TMTC2: variants seen among roughly 807,000 people sequenced by gnomAD.
TMTC2 encodes the protein protein O-mannosyl-transferase TMTC2.
TMTC2 carries 43 observed loss-of-function variants against 82.4 expected under a neutral mutation model. The observed-to-expected ratio is 0.52, with a 90% confidence interval of 0.41 to 0.67. The LOEUF is 0.67. Ranked by LOEUF, TMTC2 falls within the 30% of genes least tolerant of loss-of-function variation. The pLI is 0.00. For synonymous variants in TMTC2, 408 were observed against 381.9 expected, an observed-to-expected ratio of 1.07 and a Z score of -0.80; for missense variants, 919 against 1,012.4, an observed-to-expected ratio of 0.91 and a Z score of 1.25.
chr12:83,104,734 G>A (rs1884339711), intron 11 of TMTC2, among the ~76,000 whole-genome samples: 1 of 152,176 alleles, frequency 6.6e-6, no homozygotes, highest in African/African-American at 2.4e-5. Flanking sequence ...TTGGATATTA[G>A]CATTTGGCTC....
intron 8 of TMTC2, among the ~76,000 whole-genome samples, chr12:82,997,352 A>ATATATATATATGTGTGTG (rs1481161689): frequency 4.7e-5 from 1 of 21,412 alleles, no homozygotes; most frequent in Non-Finnish European, 1.0e-4. Flanking sequence ...GTGTGTGTAT[A>ATATATATATATGTGTGTG]TATATATATA....
chr12:82,980,470 A>G (rs1263413229), intron 7 of TMTC2, among the ~76,000 whole-genome samples: 1 of 151,830 alleles, frequency 6.6e-6, no homozygotes, highest in African/African-American at 2.4e-5. Context: ...AGATTAAGAT[A>G]AAAATGCCTG....
intron 4 of TMTC2, among the ~76,000 whole-genome samples, chr12:82,957,073 A>G (rs999950653): frequency 6.6e-6 from 1 of 152,136 alleles, no homozygotes; most frequent in East Asian, 1.9e-4. Flanking sequence ...AAACCACCCA[A>G]TATACATTCT....
intron 4 of TMTC2, among the ~76,000 whole-genome samples, chr12:82,954,320 G>A (rs1877503666): frequency 6.6e-6 from 1 of 151,946 alleles, no homozygotes; most frequent in Non-Finnish European, 1.5e-5. Flanking sequence ...GTTCTCTTGG[G>A]TAGGTGTTCC....
In TMTC2 at chr12:83,132,974, A is replaced by G. The variant is rs1484485504; in HGVS notation, c.*585A>G. On this transcript the variant is annotated 3_prime_UTR_variant, in exon 12 of 12. Coordinates refer to ENST00000321196, the MANE Select transcript of TMTC2 (RefSeq NM_152588.3). ...CTGCTATGTTTCTTGACCAGTGCACATAATGTTTTATGATTTGGATGTCAG... is the reference window on the plus strand; with the variant it reads ...CTGCTATGTTTCTTGACCAGTGCACGTAATGTTTTATGATTTGGATGTCAG... 3.3e-5 allele frequency: 5 copies of G among 152,256 alleles called. No individual in the cohort carries two copies. Among genetic ancestry groups the G allele is most frequent in the Admixed American group, 1.3e-4 (2 of 15,272 alleles). The allele number at this position is 152,256 out of a possible 1,614,324, so 9.4% of individuals were successfully genotyped here.
rs78491129 is a variant in TMTC2 at position 83,010,713 on chromosome 12, G to T, written c.2071-20085G>T. On this transcript the variant is annotated intron_variant, in intron 8 of 11. Transcript: ENST00000321196. ...CAAATCTATGTCTGTGTCTAAATCT[G>T]TATCTTAATATATCAGGAACCACCG... Among the ~76,000 whole-genome samples, 269 of 152,236 alleles carry T rather than the reference G, an allele frequency of 1.8e-3. 5 individuals are homozygous for T. In the East Asian group the frequency reaches 0.041, roughly 23 times the overall value.
At chr12:82,848,386 T>A (rs918552722) in intron 1 of TMTC2, among the ~76,000 whole-genome samples, 27 of 152,270 alleles carry the variant, frequency 1.8e-4, no homozygotes, top group African/African-American at 6.5e-4. Context: ...TTTGACCCTC[T>A]AAGACATTGG....
rs185837381 is a variant in TMTC2 at position 83,111,929 on chromosome 12, C to T, written c.2332-20281C>T. ...GCTCCTTCAAGCCTGGGCAACATGG[C>T]AAAACCTCGTCTCTACAAAAAAAAA... On this transcript the variant is annotated intron_variant, in intron 11 of 11. Coordinates refer to ENST00000321196, the MANE Select transcript of TMTC2 (RefSeq NM_152588.3). Among the ~76,000 whole-genome samples, 777 of 149,492 alleles carry T rather than the reference C, an allele frequency of 5.2e-3. 8 individuals are homozygous for T. Among genetic ancestry groups the T allele is most frequent in the African/African-American group, 0.018 (738 of 40,494 alleles).
chr12:82,967,038 A>G (rs757654429), intron 7 of TMTC2, 41 bp downstream of exon 7: 1 of 1,484,322 alleles, frequency 6.7e-7, no homozygotes, highest in Admixed American at 1.8e-5. Context: ...TATTTCAGGG[A>G]CCTGTGGAGA....
chr12:82,886,799 CTT>C (rs1452793087), intron 2 of TMTC2, among the ~76,000 whole-genome samples: 1 of 152,118 alleles, frequency 6.6e-6, no homozygotes, highest in Non-Finnish European at 1.5e-5. Flanking sequence ...TATGATGAAA[CTT>C]TGATTAATCA....
At chr12:82,705,819 C>T (rs116019758) in intron 1 of TMTC2, among the ~76,000 whole-genome samples, 12 of 152,076 alleles carry the variant, frequency 7.9e-5, no homozygotes, top group East Asian at 1.9e-4. Context: ...AGAGATTGTG[C>T]GACATAATCT....
intron 1 of TMTC2, among the ~76,000 whole-genome samples, chr12:82,853,108 T>C (rs1250515361): frequency 6.6e-6 from 1 of 151,534 alleles, no homozygotes; most frequent in Non-Finnish European, 1.5e-5. Flanking sequence ...AAGTTTTTTT[T>C]CTTTTTTTTT....
At chr12:83,026,705 A>AGTGTGTGTGTGT (rs67900968) in intron 8 of TMTC2, among the ~76,000 whole-genome samples, 2 of 142,914 alleles carry the variant, frequency 1.4e-5, no homozygotes, top group African/African-American at 2.6e-5. Flanking sequence ...TGATTGAAGG[A>AGTGTGTGTGTGT]GTGTGTGTGT....
At chr12:82,969,781 C>T (rs994071096) in intron 7 of TMTC2, among the ~76,000 whole-genome samples, 1 of 152,096 alleles carries the variant, frequency 6.6e-6, no homozygotes, top group Non-Finnish European at 1.5e-5. Flanking sequence ...AGCCTATTCT[C>T]ATTTATCCTC....
At chr12:83,068,292 T>G (rs1882990112) in intron 11 of TMTC2, among the ~76,000 whole-genome samples, 1 of 152,092 alleles carries the variant, frequency 6.6e-6, no homozygotes, top group South Asian at 2.1e-4. Flanking sequence ...GGATATAAAA[T>G]TTCCCACCTA....
In TMTC2 at chr12:82,997,346, GTGTA is replaced by G. The variant is rs1342663853; in HGVS notation, c.2070+11302_2070+11305del. Among the ~76,000 whole-genome samples, 37 of 29,182 alleles carry G rather than the reference GTGTA, an allele frequency of 1.3e-3. 1 individual carries two copies. The highest frequency in any genetic ancestry group is 0.022 in the Middle Eastern group (1 of 46). 19.1% of individuals were successfully genotyped at this position (29,182 alleles called of 152,430 possible). A position where few individuals can be genotyped will look rare whatever the true frequency, so the allele number is the denominator to read the frequency against. ...TGTCTGTGTGTGTGTGTGTGTGTGT[GTGTA>G]TATATATATATATATGTGTATATAT... On this transcript the variant is annotated intron_variant, in intron 8 of 11. Coordinates refer to ENST00000321196, the MANE Select transcript of TMTC2 (RefSeq NM_152588.3).
At chr12:82,715,743 G>C (rs1873865632) in intron 1 of TMTC2, among the ~76,000 whole-genome samples, 1 of 152,134 alleles carries the variant, frequency 6.6e-6, no homozygotes, top group Admixed American at 6.5e-5. Context: ...TGGTAGGGAT[G>C]GGGTAGGGAT....
intron 1 of TMTC2, among the ~76,000 whole-genome samples, chr12:82,794,026 A>G (rs1010189147): frequency 1.3e-5 from 2 of 152,118 alleles, no homozygotes; most frequent in Admixed American, 6.5e-5. Context: ...TTTCTGATAG[A>G]AACCCTTCTT....
intron 11 of TMTC2, 97 bp downstream of exon 11, chr12:83,061,928 T>C (rs763122695): frequency 2.2e-6 from 2 of 903,226 alleles, no homozygotes; most frequent in Admixed American, 5.7e-5. Context: ...TTGTTTTTTG[T>C]TTTGTTTTGT....
Sources: gnomAD v4.1 joint callset for allele counts (sites outside exome capture counted in the v4.1 genomes callset) on GRCh38, gnomAD v4.1.1 for gene constraint, MANE v1.5 for transcripts, NCBI Gene and HGNC (gene_info 2026-07-23, HGNC 2026-07-21) for gene names.